Variants in MAMDC2 observed in about 807,000 individuals in gnomAD.
The protein encoded by MAMDC2 is MAM domain containing 2.
In MAMDC2, 57 loss-of-function variants were observed where a neutral mutation model predicts 89.8. The ratio of observed to expected loss-of-function variants is 0.63; its 90% CI spans 0.51 to 0.79. The LOEUF is 0.79. Ranked by LOEUF, MAMDC2 falls within the 30% of genes least tolerant of loss-of-function variation. MAMDC2 has a pLI of 0.00. For synonymous variants in MAMDC2, 313 were observed against 293.4 expected, an observed-to-expected ratio of 1.07 and a Z score of -0.68; for missense variants, 800 against 820.6, an observed-to-expected ratio of 0.97 and a Z score of 0.31.
intron 9 of MAMDC2, among the ~76,000 whole-genome samples, chr9:70,161,972 A>C (rs1425248488): frequency 6.6e-6 from 1 of 152,224 alleles, no homozygotes; most frequent in African/African-American, 2.4e-5. Flanking sequence ...TACCACTTAT[A>C]ATAAGAACTT....
chr9:70,064,290 C>T (rs1032851170), intron 2 of MAMDC2, among the ~76,000 whole-genome samples: 1 of 151,958 alleles, frequency 6.6e-6, no homozygotes, highest in Non-Finnish European at 1.5e-5. Flanking sequence ...CACTGAACCC[C>T]ATTTGTGGTC....
intron 6 of MAMDC2, among the ~76,000 whole-genome samples, chr9:70,127,707 T>G (rs1170026825): frequency 1.3e-5 from 2 of 149,990 alleles, no homozygotes; most frequent in Non-Finnish European, 3.0e-5. Context: ...AAAAACACTC[T>G]AGAGAGAGCA....
At chr9:70,108,533 C>G (rs777584130) in intron 3 of MAMDC2, 51 bp downstream of exon 3, 2 of 1,479,096 alleles carry the variant, frequency 1.4e-6, no homozygotes, top group Non-Finnish European at 1.8e-6. Context: ...TTGCTTTATA[C>G]TATTCTAAAA....
At chr9:70,165,250 C>T (rs1371946527) in intron 9 of MAMDC2, among the ~76,000 whole-genome samples, 1 of 152,158 alleles carries the variant, frequency 6.6e-6, no homozygotes, top group Admixed American at 6.6e-5. Context: ...CAACCAGGCC[C>T]ACTCATCCGC....
chr9:70,173,215 G>A lies in MAMDC2; in HGVS notation c.1651+2584G>A, dbSNP rs960434588. Among the ~76,000 whole-genome samples, 10 of 152,032 alleles carry A rather than the reference G, an allele frequency of 6.6e-5. No homozygotes were observed. The East Asian group carries it at 7.7e-4, about 12-fold the overall frequency. ...TGGGCCTTTCAACATTGAATCTAGCGGAAAGTGAAAACTCAGACAAAAATA... is the reference window on the plus strand; with the variant it reads ...TGGGCCTTTCAACATTGAATCTAGCAGAAAGTGAAAACTCAGACAAAAATA... On this transcript the variant is annotated intron_variant, in intron 11 of 13. Coordinates refer to ENST00000377182, the MANE Select transcript of MAMDC2 (RefSeq NM_153267.5).
At chr9:70,208,580 C>A (rs985088368) in intron 11 of MAMDC2, among the ~76,000 whole-genome samples, 10 of 152,180 alleles carry the variant, frequency 6.6e-5, no homozygotes, top group African/African-American at 2.4e-4. Flanking sequence ...CATCTGCAAA[C>A]AGGCACAATT....
intron 2 of MAMDC2, among the ~76,000 whole-genome samples, chr9:70,072,685 T>C (rs1827435404): frequency 6.6e-6 from 1 of 152,142 alleles, no homozygotes; most frequent in South Asian, 2.1e-4. Flanking sequence ...TGTGGATTCT[T>C]CACCATGAGA....
chr9:70,130,447 T>TAAA (rs377201752), intron 6 of MAMDC2, among the ~76,000 whole-genome samples: 2,358 of 152,286 alleles, frequency 0.015, 30 homozygotes, highest in Non-Finnish European at 0.023. Flanking sequence ...CTCAGGTTAT[T>TAAA]AACTCACACA....
chr9:70,043,839 C>T, upstream of MAMDC2: 1 of 315,802 alleles, frequency 3.2e-6, no homozygotes, highest in Non-Finnish European at 5.9e-6. Context: ...AGCGAAGGCA[C>T]TGCGGGCCGA....
intron 2 of MAMDC2, among the ~76,000 whole-genome samples, chr9:70,047,683 A>T (rs1826788616): frequency 6.6e-6 from 1 of 152,180 alleles, no homozygotes; most frequent in African/African-American, 2.4e-5. Context: ...TGCACTTCTT[A>T]TATGTCCATG....
chr9:70,124,996 T>C (rs1444947120), intron 5 of MAMDC2, among the ~76,000 whole-genome samples: 1 of 152,132 alleles, frequency 6.6e-6, no homozygotes, highest in Non-Finnish European at 1.5e-5. Context: ...CAGGCATGAG[T>C]CACTGCACCT....
At chr9:70,058,602 G>T (rs1447644347) in intron 2 of MAMDC2, among the ~76,000 whole-genome samples, 3 of 152,154 alleles carry the variant, frequency 2.0e-5, no homozygotes, top group African/African-American at 7.2e-5. Flanking sequence ...GAAGCCTGCA[G>T]GTCTTCAAGA....
intron 7 of MAMDC2, among the ~76,000 whole-genome samples, chr9:70,133,232 G>A (rs903709650): frequency 1.3e-5 from 2 of 152,058 alleles, no homozygotes; most frequent in Admixed American, 1.3e-4. Flanking sequence ...TAATATCTGC[G>A]CTGGGCAGAG....
At chr9:70,200,372 C>T (rs1278646330) in intron 11 of MAMDC2, among the ~76,000 whole-genome samples, 3 of 145,738 alleles carry the variant, frequency 2.1e-5, no homozygotes, top group African/African-American at 5.1e-5. Context: ...AGGTATGCGG[C>T]GTTATTTCTG....
intron 1 of MAMDC2, 119 bp downstream of exon 1, chr9:70,044,350 C>T (rs1021222267): frequency 2.0e-5 from 23 of 1,160,580 alleles, no homozygotes; most frequent in African/African-American, 9.3e-5. Flanking sequence ...GCCTCCTGAT[C>T]CTCCGCAGCC....
intron 11 of MAMDC2, among the ~76,000 whole-genome samples, chr9:70,199,327 TACTG>T (rs2033048025): frequency 6.8e-6 from 1 of 146,976 alleles, no homozygotes; most frequent in Non-Finnish European, 1.5e-5. Context: ...TGCGATAGTT[TACTG>T]AGAATGATGA....
chr9:70,170,370 A>G, intron 10 of MAMDC2, 109 bp from the exon 11 acceptor site: 1 of 1,285,182 alleles, frequency 7.8e-7, no homozygotes, highest in South Asian at 1.7e-5. Context: ...CTGCCTCTCC[A>G]TCGCATGGCA....
intron 11 of MAMDC2, among the ~76,000 whole-genome samples, chr9:70,202,403 A>G (rs2033119929): frequency 1.3e-5 from 2 of 151,942 alleles, no homozygotes; most frequent in Non-Finnish European, 2.9e-5. Context: ...GTTTGATTGC[A>G]CTGTGGTCTG....
chr9:70,168,850 T>C, intron 10 of MAMDC2, 55 bp downstream of exon 10: 2 of 1,388,432 alleles, frequency 1.4e-6, no homozygotes, highest in South Asian at 1.2e-5. Flanking sequence ...ATACATTTCC[T>C]GTATCGCTGA....
Sources: gnomAD v4.1 joint callset for allele counts (sites outside exome capture counted in the v4.1 genomes callset) on GRCh38, gnomAD v4.1.1 for gene constraint, MANE v1.5 for transcripts, NCBI Gene and HGNC (gene_info 2026-07-23, HGNC 2026-07-21) for gene names.